Variants in BMPR1A observed in about 807,000 individuals in gnomAD.
BMPR1A encodes bone morphogenetic protein receptor type-1A.
In BMPR1A, 7 loss-of-function variants were observed where a neutral mutation model predicts 66.0. The ratio of observed to expected loss-of-function variants is 0.11; its 90% CI spans 0.06 to 0.20. The LOEUF (loss-of-function observed/expected upper bound fraction) is 0.20, where lower values mean the gene tolerates loss of function less well. Among genes scored for constraint, BMPR1A ranks in the 10% least tolerant of loss-of-function variants. The probability of loss-of-function intolerance (pLI) is 1.00; values close to 1 mark genes in which losing one functional copy is unlikely to be tolerated. For synonymous variants in BMPR1A, 200 were observed against 229.7 expected, an observed-to-expected ratio of 0.87 and a Z score of 1.17; for missense variants, 408 against 669.1, an observed-to-expected ratio of 0.61 and a Z score of 4.31.
chr10:86,900,265 C>T, intron 7 of BMPR1A, 139 bp downstream of exon 7: 1 of 813,238 alleles, frequency 1.2e-6, no homozygotes, highest in Non-Finnish European at 2.0e-6. Context: ...CTATAGTTCT[C>T]TTAAGGGAAA....
At chr10:86,897,790 G>T (rs1367551529) in intron 5 of BMPR1A, among the ~76,000 whole-genome samples, 1 of 152,060 alleles carries the variant, frequency 6.6e-6, no homozygotes, top group Non-Finnish European at 1.5e-5. Context: ...AATTTTTTTA[G>T]AGATGGGGTC....
rs566995441 is a variant in BMPR1A, at chr10:86,778,655, G to A, written c.-268+21736G>A. ...AAACTGTATATTATTGTTCACTATA[G>A]CCTTCCTACCGTAGGATAAAGGATA... On this transcript the variant is annotated intron_variant, in intron 1 of 12. Coordinates refer to ENST00000372037, the MANE Select transcript of BMPR1A (RefSeq NM_004329.3). Among the ~76,000 whole-genome samples the A allele has an allele frequency of 4.6e-5, 7 of 152,158 alleles. No individual in the cohort carries two copies. In the East Asian group the frequency reaches 1.3e-3, roughly 29 times the overall value.
At chr10:86,792,571 G>A (rs1399943284) in intron 1 of BMPR1A, among the ~76,000 whole-genome samples, 3 of 152,166 alleles carry the variant, frequency 2.0e-5, no homozygotes, top group African/African-American at 2.4e-5. Context: ...CAAGGCAGGA[G>A]GATTGCTTGA....
rs60828047 is a variant in BMPR1A at position 86,805,377 on chromosome 10, TACACACACACAC to T, written c.-267-33471_-267-33460del. ...GTTTCTGTCTCTTCACTCCTACCTG[TACACACACACAC>T]ACACACACACACACACTTTTAAGAG... is the stretch of plus-strand genomic sequence containing the variant. On this transcript the variant is annotated intron_variant, in intron 1 of 12. Transcript: ENST00000372037. Among the ~76,000 whole-genome samples, 17 of 143,058 alleles carry T rather than the reference TACACACACACAC, an allele frequency of 1.2e-4. No individual in the cohort carries two copies. In the East Asian group the frequency reaches 3.6e-3, roughly 30 times the overall value. The allele number at this position is 143,058 out of a possible 152,430, so 93.9% of individuals were successfully genotyped here.
intron 2 of BMPR1A, among the ~76,000 whole-genome samples, chr10:86,869,425 C>A (rs941960205): frequency 2.7e-5 from 4 of 146,776 alleles, no homozygotes; most frequent in African/African-American, 7.7e-5. Context: ...CCACTGCAGT[C>A]CAGCCTGGGC....
At chr10:86,865,205 G>T (rs1442195222) in intron 2 of BMPR1A, among the ~76,000 whole-genome samples, 1 of 152,020 alleles carries the variant, frequency 6.6e-6, no homozygotes, top group Non-Finnish European at 1.5e-5. Flanking sequence ...AGTGTAAATG[G>T]CCGGTCCATG....
intron 2 of BMPR1A, chr10:86,855,308 T>C: frequency 2.0e-6 from 2 of 1,000,504 alleles, no homozygotes; most frequent in South Asian, 2.9e-5. Context: ...CCAATCAAAG[T>C]CTCCTTCAAA....
At position 86,875,872 on chromosome 10, in the gene BMPR1A, G is replaced by GT. The variant is rs1554886782; in HGVS notation, c.-146dup. On this transcript the variant is annotated 5_prime_UTR_variant, in exon 3 of 13. Transcript: ENST00000372037. Reference sequence around the variant, plus strand: ...TAAATATTTTTGTCTTTCAGGAGTCGTAAGAAAGCAGTGGGAGTTGAAGTC... The same window carrying GT: ...TAAATATTTTTGTCTTTCAGGAGTCGTTAAGAAAGCAGTGGGAGTTGAAGTC... 3 of 735,846 alleles carry GT rather than the reference G, an allele frequency of 4.1e-6. No individual in the cohort carries two copies. Among genetic ancestry groups the GT allele is most frequent in the Non-Finnish European group, 7.2e-6 (3 of 417,986 alleles). 45.6% of individuals were successfully genotyped at this position (735,846 alleles called of 1,614,324 possible).
intron 1 of BMPR1A, among the ~76,000 whole-genome samples, chr10:86,814,859 C>G (rs951989706): frequency 5.3e-5 from 8 of 152,232 alleles, no homozygotes; most frequent in Non-Finnish European, 1.2e-4. Flanking sequence ...TATCTCGGCT[C>G]TCTACAACCT....
chr10:86,811,960 A>G (rs957666971), intron 1 of BMPR1A, among the ~76,000 whole-genome samples: 1 of 151,982 alleles, frequency 6.6e-6, no homozygotes, highest in Admixed American at 6.6e-5. Flanking sequence ...GTCAACCTGT[A>G]GTCCTGGCTG....
intron 8 of BMPR1A, 98 bp from the exon 9 acceptor site, chr10:86,917,036 G>C: frequency 7.7e-7 from 1 of 1,302,088 alleles, no homozygotes; most frequent in Non-Finnish European, 1.1e-6. Flanking sequence ...GGAGTTGGTT[G>C]GGTACACCAT....
intron 1 of BMPR1A, among the ~76,000 whole-genome samples, chr10:86,793,916 G>A (rs1841667450): frequency 6.6e-6 from 1 of 152,086 alleles, no homozygotes; most frequent in African/African-American, 2.4e-5. Context: ...CTGCATTCCT[G>A]GATCAGGCTC....
intron 2 of BMPR1A, among the ~76,000 whole-genome samples, chr10:86,852,404 C>CA (rs150395749): frequency 0.016 from 2,364 of 150,262 alleles, 63 homozygotes; most frequent in African/African-American, 0.055. Context: ...CCTGCGTCTA[C>CA]AAAAAAAAAT....
chr10:86,923,779 G>C lies in BMPR1A; in HGVS notation c.*60G>C. 5 of 1,595,592 alleles carry C rather than the reference G, an allele frequency of 3.1e-6. No homozygotes were observed. The South Asian group carries it at 5.5e-5, about 18-fold the overall frequency. On this transcript the variant is annotated 3_prime_UTR_variant, in exon 13 of 13. Transcript: ENST00000372037. ...AAGAACTGTTTTTACCCATGGCATG[G>C]GTGGAATTAGAGTGGAATAAGGATG...
chr10:86,905,320 C>G (rs1427353873), intron 7 of BMPR1A, among the ~76,000 whole-genome samples: 1 of 152,194 alleles, frequency 6.6e-6, no homozygotes, highest in Non-Finnish European at 1.5e-5. Flanking sequence ...TTTTGTAGCT[C>G]CTTTAATCCT....
chr10:86,798,294 C>T (rs1841754238), intron 1 of BMPR1A, among the ~76,000 whole-genome samples: 1 of 152,046 alleles, frequency 6.6e-6, no homozygotes, highest in Non-Finnish European at 1.5e-5. Context: ...AATTTCCATA[C>T]TTAAAAAACT....
chr10:86,789,727 AAAC>A (rs1485988986), intron 1 of BMPR1A, among the ~76,000 whole-genome samples: 48 of 97,464 alleles, frequency 4.9e-4, no homozygotes, highest in Middle Eastern at 6.0e-3. Context: ...AAAAAAAAAC[AAAC>A]AAACACGTAA....
chr10:86,917,941 G>A (rs369561497), intron 9 of BMPR1A, among the ~76,000 whole-genome samples: 2 of 152,180 alleles, frequency 1.3e-5, no homozygotes, highest in East Asian at 3.8e-4. Context: ...CCTCCAAAAC[G>A]TATTCACTCA....
intron 1 of BMPR1A, among the ~76,000 whole-genome samples, chr10:86,784,522 A>C (rs550209568): frequency 1.3e-5 from 2 of 152,204 alleles, no homozygotes; most frequent in Admixed American, 1.3e-4. Context: ...GAATATGTGC[A>C]TCAAAGTTTA....
Sources: gnomAD v4.1 joint callset for allele counts (sites outside exome capture counted in the v4.1 genomes callset) on GRCh38, gnomAD v4.1.1 for gene constraint, MANE v1.5 for transcripts, NCBI Gene and HGNC (gene_info 2026-07-23, HGNC 2026-07-21) for gene names.